Variants in NUP210L observed in about 807,000 individuals in gnomAD.
NUP210L encodes the protein nucleoporin 210 like.
NUP210L carries 74 observed loss-of-function variants against 208.5 expected under a neutral mutation model. That is an observed-to-expected ratio of 0.35 (90% CI 0.29 to 0.43). NUP210L has a LOEUF of 0.43. Ranked by LOEUF, NUP210L falls within the 20% of genes least tolerant of loss-of-function variation. The probability of loss-of-function intolerance (pLI) is 1.00; values close to 1 mark genes in which losing one functional copy is unlikely to be tolerated. For missense variants in NUP210L, 1,843 were observed against 2,289.4 expected (o/e 0.81, Z 3.98); for synonymous variants, 780 against 816.9 (o/e 0.95, Z 0.77).
chr1:154,083,394 A>G (rs530475290), intron 16 of NUP210L, among the ~76,000 whole-genome samples: 2 of 152,326 alleles, frequency 1.3e-5, no homozygotes, highest in African/African-American at 4.8e-5. Context: ...CAGACCCAGA[A>G]GCCCAGCTGG....
chr1:154,010,124 G>GA lies in NUP210L; in HGVS notation c.4781-4dup. Reference sequence around the variant, plus strand: ...GGCCTGGTTTGGGGTACAGAATCCTGAAAAGCAGAAAAGAGGTAAATAGCT... The same window carrying GA: ...GGCCTGGTTTGGGGTACAGAATCCTGAAAAAGCAGAAAAGAGGTAAATAGCT... On this transcript the variant is annotated splice_polypyrimidine_tract_variant and splice_region_variant and intron_variant, in intron 34 of 39. Transcript: ENST00000368559. 6.2e-7 allele frequency: 1 copy of GA among 1,608,598 alleles called. No homozygotes were observed. The highest frequency in any genetic ancestry group is 8.5e-7 in the Non-Finnish European group (1 of 1,178,426).
chr1:154,153,874 C>T (rs1400683833), intron 1 of NUP210L, among the ~76,000 whole-genome samples: 1 of 152,156 alleles, frequency 6.6e-6, no homozygotes, highest in Non-Finnish European at 1.5e-5. Context: ...CCTTATACTT[C>T]CTCATAAAAT....
intron 27 of NUP210L, among the ~76,000 whole-genome samples, chr1:154,041,245 G>A (rs983033686): frequency 3.3e-5 from 5 of 152,150 alleles, no homozygotes; most frequent in Admixed American, 1.3e-4. Context: ...GGTAACAGGC[G>A]TGAGCCACCG....
intron 2 of NUP210L, among the ~76,000 whole-genome samples, chr1:154,148,066 CGGCCAACAT>C (rs1176317150): frequency 6.7e-6 from 1 of 149,492 alleles, no homozygotes; most frequent in African/African-American, 2.5e-5. Context: ...GAGACCAGCC[CGGCCAACAT>C]GGCCAACATG....
At chr1:154,040,871 G>A (rs1420142322) in intron 27 of NUP210L, among the ~76,000 whole-genome samples, 2 of 152,166 alleles carry the variant, frequency 1.3e-5, no homozygotes, top group South Asian at 2.1e-4. Flanking sequence ...GATTACAGGC[G>A]TGAGCCACCG....
intron 37 of NUP210L, among the ~76,000 whole-genome samples, chr1:153,998,957 C>G (rs1416680506): frequency 6.6e-6 from 1 of 151,998 alleles, no homozygotes; most frequent in Non-Finnish European, 1.5e-5. Flanking sequence ...CTCAAGTGAT[C>G]CTCCATCTTA....
intron 15 of NUP210L, among the ~76,000 whole-genome samples, chr1:154,090,131 C>A (rs1331284520): frequency 2.6e-5 from 4 of 151,526 alleles, no homozygotes; most frequent in African/African-American, 9.7e-5. Flanking sequence ...GTAATCTCAG[C>A]TGCTTGGAAG....
intron 35 of NUP210L, among the ~76,000 whole-genome samples, 180 bp downstream of exon 35, chr1:154,009,792 C>CAAAAAAAAAAAAAAAA (rs373230285): frequency 1.5e-5 from 1 of 64,568 alleles, no homozygotes. Flanking sequence ...GACCCAGTCT[C>CAAAAAAAAAAAAAAAA]AAAAAAAAAA....
chr1:154,095,251 C>T lies in NUP210L; in HGVS notation c.1966-95G>A, dbSNP rs1374409864. The stretch of plus-strand genomic sequence containing the variant: ...AGTTATCTGAATATGCTGCAAATGA[C>T]GTTAAACTTAATTCCCAAATTAAGA... On this transcript the variant is annotated intron_variant, in intron 14 of 39. Coordinates refer to ENST00000368559, the Ensembl canonical transcript of NUP210L. The T allele has an allele frequency of 7.6e-6, 7 of 915,292 alleles. No homozygotes were observed. In the East Asian group the frequency reaches 1.3e-4, roughly 16 times the overall value. 56.7% of individuals were successfully genotyped at this position (915,292 alleles called of 1,614,324 possible).
intron 17 of NUP210L, among the ~76,000 whole-genome samples, chr1:154,066,486 C>A (rs1196499915): frequency 6.6e-6 from 1 of 152,166 alleles, no homozygotes; most frequent in African/African-American, 2.4e-5. Flanking sequence ...TGGCGGGCGC[C>A]TGTAGTCCCA....
At chr1:154,047,422 A>C (rs1653245855) in intron 25 of NUP210L, among the ~76,000 whole-genome samples, 1 of 152,130 alleles carries the variant, frequency 6.6e-6, no homozygotes. Context: ...CATAAACAAA[A>C]TCTCTGCAGC....
intron 35 of NUP210L, 127 bp from the exon 36 acceptor site, chr1:154,002,112 G>T: frequency 1.0e-6 from 1 of 973,274 alleles, no homozygotes; most frequent in Non-Finnish European, 1.5e-6. Flanking sequence ...ATTTAGTTTT[G>T]AGTATTCAAT....
intron 15 of NUP210L, 104 bp from the exon 16 acceptor site, chr1:154,089,698 C>G: frequency 1.1e-6 from 1 of 888,584 alleles, no homozygotes; most frequent in Non-Finnish European, 1.8e-6. Flanking sequence ...TATAGAGAGT[C>G]CCTTTCACAT....
chr1:154,049,872 C>A (rs1009379528), intron 25 of NUP210L, among the ~76,000 whole-genome samples: 1 of 152,132 alleles, frequency 6.6e-6, no homozygotes, highest in Non-Finnish European at 1.5e-5. Flanking sequence ...CTGCAGTAAA[C>A]AACCTGAAGC....
At chr1:153,994,001 C>T (rs1431961234) in intron 38 of NUP210L, among the ~76,000 whole-genome samples, 2 of 152,102 alleles carry the variant, frequency 1.3e-5, no homozygotes, top group Non-Finnish European at 2.9e-5. Context: ...CCTCAGCTTC[C>T]CTAGTAGCTG....
chr1:154,133,393 A>C (rs1024182045), intron 7 of NUP210L, among the ~76,000 whole-genome samples: 1 of 152,086 alleles, frequency 6.6e-6, no homozygotes, highest in Non-Finnish European at 1.5e-5. Context: ...TCTACAAAAA[A>C]AGACACAATT....
exon 25 of NUP210L, chr1:154,054,349 T>C: frequency 6.2e-7 from 1 of 1,614,216 alleles, no homozygotes; most frequent in Non-Finnish European, 8.5e-7. Context: ...AGCCACGGTC[T>C]GATTACTGAT....
In NUP210L at chr1:154,136,919, C is replaced by CAAAAA. The variant is rs11374907; in HGVS notation, c.851-952_851-948dup. On this transcript the variant is annotated intron_variant, in intron 6 of 39. Transcript: ENST00000368559. ...TGGGCGACAGAGTGAGAATCCATCT[C>CAAAAA]AAAAAAAAAAAAAAAAAAAAAGCTC... Among the ~76,000 whole-genome samples the CAAAAA allele has an allele frequency of 1.3e-3, 81 of 62,808 alleles. 2 individuals carry two copies. Among genetic ancestry groups the CAAAAA allele is most frequent in the East Asian group, 3.7e-3 (5 of 1,366 alleles). The allele number at this position is 62,808 out of a possible 152,430, so 41.2% of individuals were successfully genotyped here.
intron 12 of NUP210L, among the ~76,000 whole-genome samples, chr1:154,114,818 A>G (rs934562024): frequency 3.3e-5 from 5 of 151,230 alleles, no homozygotes; most frequent in African/African-American, 1.2e-4. Context: ...GCTGGTCTCG[A>G]ACTCCTGGCC....
Sources: gnomAD v4.1 joint callset for allele counts (sites outside exome capture counted in the v4.1 genomes callset) on GRCh38, gnomAD v4.1.1 for gene constraint, MANE v1.5 for transcripts, NCBI Gene and HGNC (gene_info 2026-07-23, HGNC 2026-07-21) for gene names.